The following DPP6 variants were observed in gnomAD, a reference collection of about 807,000 sequenced individuals.
DPP6 encodes dipeptidyl peptidase like 6.
Under a neutral mutation model 122.6 loss-of-function variants are expected in DPP6, and 69 were observed. The ratio of observed to expected loss-of-function variants is 0.56; its 90% CI spans 0.46 to 0.69. DPP6 has a LOEUF of 0.69. Among genes scored for constraint, DPP6 ranks in the 30% least tolerant of loss-of-function variants. The pLI is 0.00. For missense variants in DPP6, 928 were observed against 1,116.9 expected (o/e 0.83, Z 2.41); for synonymous variants, 418 against 433.1 (o/e 0.97, Z 0.43).
chr7:153,848,939 C>T, the DPP6 span, among the ~76,000 whole-genome samples: 1 of 152,030 alleles, frequency 6.6e-6, no homozygotes, highest in Non-Finnish European at 1.5e-5. Context: ...ATTCAATAAT[C>T]CCATTGTTTT....
chr7:154,004,110 T>G (rs1043741221), intron 1 of DPP6, among the ~76,000 whole-genome samples: 2 of 152,246 alleles, frequency 1.3e-5, no homozygotes, highest in African/African-American at 4.8e-5. Flanking sequence ...GTAGCTGTAG[T>G]AGAAGCATGA....
intron 18 of DPP6, among the ~76,000 whole-genome samples, chr7:154,871,524 G>A (rs1804397905): frequency 6.6e-6 from 1 of 152,194 alleles, no homozygotes; most frequent in Non-Finnish European, 1.5e-5. Flanking sequence ...TCTTCCAGAA[G>A]GGCTCCCCTG....
chr7:153,933,619 C>A (rs1801279608), intron 1 of DPP6, among the ~76,000 whole-genome samples: 1 of 152,204 alleles, frequency 6.6e-6, no homozygotes, highest in African/African-American at 2.4e-5. Flanking sequence ...GCAATGATTT[C>A]TCTCTACCAC....
rs147067860 is a variant in DPP6 at position 154,600,474 on chromosome 7, T to C, written c.627+33558T>C. On this transcript the variant is annotated intron_variant, in intron 5 of 25. Transcript: ENST00000377770. ...CTGTCCCAAAGACAATTTTATAAAA[T>C]AATAATAAGTAGCACTTTTGGGTGA... 4.6e-3 allele frequency among the ~76,000 whole-genome samples: 562 copies of C among 120,954 alleles called. 101 individuals carry two copies. Among genetic ancestry groups the C allele is most frequent in the African/African-American group, 0.014 (538 of 38,030 alleles). 79.4% of individuals were successfully genotyped at this position (120,954 alleles called of 152,430 possible).
chr7:154,168,089 C>T (rs933846104), intron 1 of DPP6, among the ~76,000 whole-genome samples: 2 of 152,144 alleles, frequency 1.3e-5, no homozygotes, highest in Non-Finnish European at 2.9e-5. Flanking sequence ...GAAGATAACA[C>T]CGGGGAAACC....
At chr7:153,990,627 G>C (rs1269242746) in intron 1 of DPP6, among the ~76,000 whole-genome samples, 1 of 151,996 alleles carries the variant, frequency 6.6e-6, no homozygotes, top group African/African-American at 2.4e-5. Context: ...CCCTGTCCAA[G>C]GGCCGCCGTG....
intron 8 of DPP6, among the ~76,000 whole-genome samples, chr7:154,742,874 C>G (rs1047773829): frequency 6.6e-6 from 1 of 151,680 alleles, no homozygotes; most frequent in Non-Finnish European, 1.5e-5. Flanking sequence ...CTGGGACTTA[C>G]GGGCAAAGGG....
chr7:154,087,514 C>G (rs1479719436), intron 1 of DPP6, among the ~76,000 whole-genome samples: 3 of 152,232 alleles, frequency 2.0e-5, no homozygotes, highest in African/African-American at 7.2e-5. Context: ...GAATTAGCCG[C>G]AGGCCAGGGA....
intron 1 of DPP6, among the ~76,000 whole-genome samples, chr7:154,377,872 A>C (rs1813265660): frequency 2.0e-5 from 3 of 152,234 alleles, no homozygotes; most frequent in Non-Finnish European, 4.4e-5. Flanking sequence ...ATAGCATGCT[A>C]GACCAGGCTG....
At chr7:154,445,421 C>T (rs1448874918) in intron 1 of DPP6, among the ~76,000 whole-genome samples, 7 of 152,190 alleles carry the variant, frequency 4.6e-5, no homozygotes, top group African/African-American at 1.7e-4. Context: ...TATGATTCCT[C>T]TAATTTGCAC....
the DPP6 span, among the ~76,000 whole-genome samples, chr7:153,748,162 G>A: frequency 2.6e-5 from 4 of 152,192 alleles, no homozygotes; most frequent in South Asian, 4.1e-4. Flanking sequence ...GCTGTAGCTC[G>A]TGCAGCCTGT....
chr7:154,751,427 C>T (rs1455688809), intron 8 of DPP6, among the ~76,000 whole-genome samples: 1 of 149,926 alleles, frequency 6.7e-6, no homozygotes, highest in East Asian at 2.0e-4. Context: ...TGGCAAAACC[C>T]TGTCTCTCCT....
intron 1 of DPP6, among the ~76,000 whole-genome samples, chr7:153,994,193 A>G (rs1797326420): frequency 6.6e-6 from 1 of 151,608 alleles, no homozygotes; most frequent in Admixed American, 6.6e-5. Flanking sequence ...TTTCCTCTAG[A>G]GTCTCCAAAG....
At chr7:154,170,358 T>A (rs1054938384) in intron 1 of DPP6, among the ~76,000 whole-genome samples, 4 of 152,156 alleles carry the variant, frequency 2.6e-5, no homozygotes, top group African/African-American at 7.2e-5. Flanking sequence ...TTCCTAAGTT[T>A]CCAGTCCTAA....
chr7:154,049,895 T>A (rs1800212793), upstream of DPP6, among the ~76,000 whole-genome samples: 1 of 152,098 alleles, frequency 6.6e-6, no homozygotes, highest in African/African-American at 2.4e-5. Flanking sequence ...AGAACATTCT[T>A]TAAAATGTCC....
intron 1 of DPP6, among the ~76,000 whole-genome samples, chr7:154,402,411 T>G (rs911735138): frequency 2.7e-5 from 4 of 147,048 alleles, no homozygotes; most frequent in African/African-American, 1.1e-4. Context: ...TGGAATACTA[T>G]GCAGCCATAA....
At chr7:154,369,156 C>T (rs1038180109) in intron 1 of DPP6, among the ~76,000 whole-genome samples, 1 of 152,152 alleles carries the variant, frequency 6.6e-6, no homozygotes, top group Non-Finnish European at 1.5e-5. Context: ...AGTGCAATGG[C>T]CCGATCTCTG....
At chr7:154,315,541 C>T (rs1241534340) in intron 1 of DPP6, among the ~76,000 whole-genome samples, 1 of 152,128 alleles carries the variant, frequency 6.6e-6, no homozygotes, top group East Asian at 1.9e-4. Context: ...AGCAAGCTAG[C>T]ACAGTCTTAA....
intron 1 of DPP6, among the ~76,000 whole-genome samples, chr7:154,380,674 C>T (rs1348144624): frequency 1.3e-5 from 2 of 152,184 alleles, no homozygotes; most frequent in Non-Finnish European, 2.9e-5. Flanking sequence ...GCTTTTCCTT[C>T]TTCACACATT....
Sources: gnomAD v4.1 joint callset for allele counts (sites outside exome capture counted in the v4.1 genomes callset) on GRCh38, gnomAD v4.1.1 for gene constraint, MANE v1.5 for transcripts, NCBI Gene and HGNC (gene_info 2026-07-23, HGNC 2026-07-21) for gene names.